The following PTGER4 variants were observed in gnomAD, a reference collection of about 807,000 sequenced individuals.
PTGER4 encodes the protein prostaglandin E2 receptor EP4 subtype.
A neutral mutation model predicts 33.2 loss-of-function variants in PTGER4; 11 were observed. The ratio of observed to expected loss-of-function variants is 0.33; its 90% CI spans 0.21 to 0.55. The LOEUF is 0.55. Ranked by LOEUF, PTGER4 falls within the 20% of genes least tolerant of loss-of-function variation. The pLI, the probability that PTGER4 is intolerant of heterozygous loss-of-function variation, is 0.92. For missense variants in PTGER4, 481 were observed against 650.2 expected (o/e 0.74, Z 2.83); for synonymous variants, 275 against 281.5 (o/e 0.98, Z 0.23).
rs1741526612 is a variant in PTGER4, at chr5:40,693,725, T to C, written c.*1347T>C. 1.0e-5 allele frequency: 10 copies of C among 979,910 alleles called. No individual in the cohort carries two copies. Among genetic ancestry groups the C allele is most frequent in the South Asian group, 4.7e-5 (1 of 21,160 alleles). 60.7% of individuals were successfully genotyped at this position (979,910 alleles called of 1,614,324 possible). On this transcript the variant is annotated 3_prime_UTR_variant, in exon 3 of 3. Coordinates refer to ENST00000302472, the MANE Select transcript of PTGER4 (RefSeq NM_000958.3). ...ATTATTTTGGAGATTATAATAAATA[T>C]ATACATTCAATCTGAGTTGCATATC...
downstream of PTGER4, among the ~76,000 whole-genome samples, chr5:40,696,113 G>A (rs369316748): frequency 6.6e-6 from 1 of 152,108 alleles, no homozygotes; most frequent in Non-Finnish European, 1.5e-5. Flanking sequence ...TTGACCAAGG[G>A]ACCACAGAAT....
the PTGER4 span, among the ~76,000 whole-genome samples, chr5:40,712,686 A>G: frequency 6.6e-6 from 1 of 152,158 alleles, no homozygotes; most frequent in South Asian, 2.1e-4. Flanking sequence ...AATCCACAAA[A>G]GGGAAAAAAG....
the PTGER4 span, among the ~76,000 whole-genome samples, chr5:40,725,691 C>T: frequency 1.3e-5 from 2 of 151,988 alleles, no homozygotes. Context: ...CCCTCTCTAC[C>T]TTCTTCTTCA....
the PTGER4 span, among the ~76,000 whole-genome samples, chr5:40,701,750 A>G: frequency 6.6e-6 from 1 of 152,344 alleles, no homozygotes; most frequent in East Asian, 1.9e-4. Context: ...CAAGGTTGAA[A>G]TGAAAGAAAG....
intron 2 of PTGER4, among the ~76,000 whole-genome samples, chr5:40,682,988 T>A (rs1324711933): frequency 6.6e-6 from 1 of 152,242 alleles, no homozygotes; most frequent in Non-Finnish European, 1.5e-5. Flanking sequence ...GTGGCTAAAA[T>A]GGAATGCACC....
At chr5:40,697,592 A>G (rs992499354), downstream of PTGER4, among the ~76,000 whole-genome samples, 2 of 146,836 alleles carry the variant, frequency 1.4e-5, no homozygotes, top group Non-Finnish European at 3.0e-5. Flanking sequence ...TCAAAAAAAA[A>G]ACAAAAAAAC....
At chr5:40,730,410 T>A in the PTGER4 span, 135 of 1,270,630 alleles carry the variant, frequency 1.1e-4, no homozygotes, top group African/African-American at 1.2e-3. Flanking sequence ...CAAAAAAAAA[T>A]TTTTATTGTA....
At chr5:40,720,072 G>A in the PTGER4 span, among the ~76,000 whole-genome samples, 1 of 151,912 alleles carries the variant, frequency 6.6e-6, no homozygotes, top group African/African-American at 2.4e-5. Flanking sequence ...TTTTTCTTTT[G>A]TTGTTTGTGC....
At chr5:40,743,427 CTAATT>C in the PTGER4 span, among the ~76,000 whole-genome samples, 1 of 152,024 alleles carries the variant, frequency 6.6e-6, no homozygotes, top group African/African-American at 2.4e-5. Flanking sequence ...TTTTTTTAAT[CTAATT>C]TAATTATTCT....
the PTGER4 span, among the ~76,000 whole-genome samples, chr5:40,730,638 A>G: frequency 4.6e-4 from 70 of 152,266 alleles, no homozygotes; most frequent in East Asian, 0.012. Context: ...TTCTACTCTT[A>G]GACTGCTTTC....
chr5:40,695,933 G>A (rs1741577035), downstream of PTGER4, among the ~76,000 whole-genome samples: 1 of 152,164 alleles, frequency 6.6e-6, no homozygotes, highest in Admixed American at 6.5e-5. Flanking sequence ...AAGTGGGGAG[G>A]TGGGGGAGAG....
chr5:40,724,466 C>T, the PTGER4 span, among the ~76,000 whole-genome samples: 1 of 152,002 alleles, frequency 6.6e-6, no homozygotes, highest in Admixed American at 6.6e-5. Flanking sequence ...AACCCTGTCT[C>T]TACTAAAATT....
In PTGER4 at chr5:40,681,582, C is replaced by G; in HGVS notation, c.589C>G (p.Leu197Val). 6.2e-7 allele frequency: 1 copy of G among 1,610,046 alleles called. No homozygotes were observed. Among genetic ancestry groups the G allele is most frequent in the Non-Finnish European group, 8.5e-7 (1 of 1,180,030 alleles). ...CGCGGGCTTCAGCTCCTTCCTCATT[C>G]TCGCCACCGTCCTCTGCAACGTGCT... ...MYAGFSSFLILATVLCNVLVC... is the reference protein window; with the variant it reads ...MYAGFSSFLIVATVLCNVLVC... Residue 197 changes from leucine (L) to valine (V), a missense_variant, in exon 2 of 3, where the codon CTC becomes GTC. This residue lies in a region of PTGER4 where 174 missense variants were observed against 210.5 expected (regional missense o/e 0.83). Transcript: ENST00000302472. The surrounding 1 kb of genome is among the most constrained non-coding windows in gnomAD (Gnocchi z 9.8).
chr5:40,695,985 T>C (rs1438289099), downstream of PTGER4, among the ~76,000 whole-genome samples: 1 of 152,218 alleles, frequency 6.6e-6, no homozygotes, highest in African/African-American at 2.4e-5. Context: ...TGTTCACTAT[T>C]TGGGTACTGG....
chr5:40,728,573 C>G, the PTGER4 span: 1 of 1,207,152 alleles, frequency 8.3e-7, no homozygotes, highest in Non-Finnish European at 1.1e-6. Flanking sequence ...TATTTTTAGT[C>G]CAGTAAAAAT....
the PTGER4 span, among the ~76,000 whole-genome samples, chr5:40,707,242 G>A: frequency 2.6e-4 from 39 of 152,272 alleles, no homozygotes; most frequent in African/African-American, 7.2e-4. Flanking sequence ...TGGCAAATTG[G>A]ATAAAGAGTC....
At chr5:40,710,985 G>C in the PTGER4 span, among the ~76,000 whole-genome samples, 1 of 152,202 alleles carries the variant, frequency 6.6e-6, no homozygotes, top group Non-Finnish European at 1.5e-5. Context: ...TAAATGATGA[G>C]TTAATGGGTG....
downstream of PTGER4, among the ~76,000 whole-genome samples, chr5:40,697,241 A>AGAAAGAAAGAAAGAAAGAAG (rs1561134437): frequency 1.1e-4 from 5 of 45,150 alleles, no homozygotes; most frequent in Admixed American, 7.5e-4. Context: ...AAAGAAAGAA[A>AGAAAGAAAGAAAGAAAGAAG]GAAAGAAAGA....
chr5:40,686,362 G>C (rs1345093609), intron 2 of PTGER4, among the ~76,000 whole-genome samples: 1 of 152,172 alleles, frequency 6.6e-6, no homozygotes, highest in Non-Finnish European at 1.5e-5. Context: ...ACATGTTTTT[G>C]ATACCATATT....
Sources: allele counts gnomAD v4.1 joint callset (sites outside exome capture counted in the v4.1 genomes callset), GRCh38; gene constraint gnomAD v4.1.1; regional missense constraint gnomAD v4.1.1; non-coding constraint Gnocchi (gnomAD v3.1); transcripts MANE v1.5; gene names NCBI Gene and HGNC (gene_info 2026-07-23, HGNC 2026-07-21).